DEPDC4: variants seen among roughly 807,000 people sequenced by gnomAD.
The protein encoded by DEPDC4 is DEP domain-containing protein 4.
Under a neutral mutation model 52.0 loss-of-function variants are expected in DEPDC4, and 52 were observed. The ratio of observed to expected loss-of-function variants is 1.00; its 90% CI spans 0.80 to 1.26. The LOEUF is 1.26. DEPDC4 is among the 50% of genes most tolerant of loss of function. The pLI, the probability that DEPDC4 is intolerant of heterozygous loss-of-function variation, is 0.00. For synonymous variants in DEPDC4, 201 were observed against 196.8 expected, an observed-to-expected ratio of 1.02 and a Z score of -0.18; for missense variants, 530 against 546.9, an observed-to-expected ratio of 0.97 and a Z score of 0.31.
the DEPDC4 span, among the ~76,000 whole-genome samples, chr12:100,281,019 G>GTTTTTTTTTTTTTTTT: frequency 1.8e-4 from 9 of 50,492 alleles, no homozygotes; most frequent in African/African-American, 6.2e-4. Context: ...TACCATCAGT[G>GTTTTTTTTTTTTTTTT]TTTTTTTTTT....
In DEPDC4 at chr12:100,240,875, A is replaced by G. The variant is rs1439037374; in HGVS notation, c.*1017T>C. Among the ~76,000 whole-genome samples, 1 of 152,184 alleles carries G rather than the reference A, an allele frequency of 6.6e-6. No homozygotes were observed. Among genetic ancestry groups the G allele is most frequent in the East Asian group, 1.9e-4 (1 of 5,196 alleles). ...CAAGACTAGCCTGGCCAACATGGCG[A>G]AACACTGTCTCTACTAAAACTACAA... On this transcript the variant is annotated 3_prime_UTR_variant, in exon 10 of 10. Transcript: ENST00000550587.
chr12:100,252,153 C>T, intron 7 of DEPDC4, 23 bp downstream of exon 7: 1 of 1,148,474 alleles, frequency 8.7e-7, no homozygotes. Context: ...AATAAATGTG[C>T]CCAGGCAAAA....
Position 100,256,135 on chromosome 12 carries a change from T to A in DEPDC4, c.792A>T (p.Gln264His). The A allele has an allele frequency of 6.2e-7, 1 of 1,613,228 alleles. No homozygotes were observed. The highest frequency in any genetic ancestry group is 8.5e-7 in the Non-Finnish European group (1 of 1,179,384). The change falls in exon 4 of 10, where the codon CAA (glutamine) becomes CAT (histidine). Residue 264 changes from glutamine to histidine, a missense_variant. Gln to His is a conservative substitution (Grantham distance 24). Coordinates refer to ENST00000550587, the MANE Select transcript of DEPDC4 (RefSeq NM_001364818.2). ...DNILEPPVKT[Q>H]NLQLNKEEDL... is the part of the protein sequence containing the mutation. ...CTTCCTCTTTGTTTAGTTGAAGATT[T>A]TGTGTTTTAACTGGAGGCTCCAAAA...
chr12:100,246,656 G>T (rs2096186739), intron 8 of DEPDC4, among the ~76,000 whole-genome samples: 1 of 152,162 alleles, frequency 6.6e-6, no homozygotes, highest in South Asian at 2.1e-4. Flanking sequence ...AAGTAATCAG[G>T]CCAGGCACAG....
At chr12:100,256,258 T>C in intron 3 of DEPDC4, 32 bp from the exon 4 acceptor site, 1 of 1,521,092 alleles carries the variant, frequency 6.6e-7, no homozygotes, top group Non-Finnish European at 9.0e-7. Flanking sequence ...ATGATCAAGA[T>C]TGGTAAATAA....
chr12:100,245,306 C>T (rs1175541425), intron 8 of DEPDC4, among the ~76,000 whole-genome samples: 1 of 151,716 alleles, frequency 6.6e-6, no homozygotes, highest in Non-Finnish European at 1.5e-5. Flanking sequence ...TCGCTCTGTC[C>T]CCCAGGCTGG....
intron 3 of DEPDC4, among the ~76,000 whole-genome samples, chr12:100,261,920 G>C (rs1023942038): frequency 6.6e-6 from 1 of 152,150 alleles, no homozygotes; most frequent in Non-Finnish European, 1.5e-5. Flanking sequence ...GAATTTTTAG[G>C]GCACTGAAAC....
In DEPDC4 at chr12:100,241,852, A is replaced by G. The variant is rs60005098; in HGVS notation, c.*47-7T>C. On this transcript the variant is annotated splice_region_variant and splice_polypyrimidine_tract_variant and intron_variant, in intron 9 of 9. Transcript: ENST00000550587. ...GGTTGGCAAAACGTAAAGCCTGGAA[A>G]AAAAAAAAAAAAACAAAAGAAAAAG... 1,772 of 913,974 alleles carry G rather than the reference A, an allele frequency of 1.9e-3. No homozygotes were observed. The highest frequency in any genetic ancestry group is 5.9e-3 in the Middle Eastern group (21 of 3,570). 56.6% of individuals were successfully genotyped at this position (913,974 alleles called of 1,614,324 possible).
chr12:100,241,826 G>T lies in DEPDC4; in HGVS notation c.*66C>A. On this transcript the variant is annotated 3_prime_UTR_variant, in exon 10 of 10. Coordinates refer to ENST00000550587, the MANE Select transcript of DEPDC4 (RefSeq NM_001364818.2). ...GCTTTTCAAACTCCTTGTATGTCAA[G>T]GGTTGGCAAAACGTAAAGCCTGGAA... 1 of 1,199,374 alleles carries T rather than the reference G, an allele frequency of 8.3e-7. No individual in the cohort carries two copies. The highest frequency in any genetic ancestry group is 1.1e-6 in the Non-Finnish European group (1 of 951,692). 74.3% of individuals were successfully genotyped at this position (1,199,374 alleles called of 1,614,324 possible).
intron 3 of DEPDC4, among the ~76,000 whole-genome samples, chr12:100,261,180 C>CAAA (rs536040088): frequency 1.2e-4 from 8 of 68,464 alleles, no homozygotes; most frequent in Admixed American, 3.4e-4. Flanking sequence ...GACTCCGTCT[C>CAAA]AAAAAAAAAA....
intron 3 of DEPDC4, among the ~76,000 whole-genome samples, chr12:100,257,975 TGATAGATAGATA>T (rs3054280): frequency 0.092 from 13,680 of 149,242 alleles, 1,023 homozygotes; most frequent in African/African-American, 0.2. Flanking sequence ...TAAAATGTAT[TGATAGATAGATA>T]GATAGATAGA....
At chr12:100,281,651 G>A in the DEPDC4 span, among the ~76,000 whole-genome samples, 1 of 152,154 alleles carries the variant, frequency 6.6e-6, no homozygotes, top group South Asian at 2.1e-4. Context: ...GGCTAACACG[G>A]TGAAACCCTG....
In DEPDC4 at chr12:100,241,301, A is replaced by C. The variant is rs143799306; in HGVS notation, c.*591T>G. On this transcript the variant is annotated 3_prime_UTR_variant, in exon 10 of 10. Coordinates refer to ENST00000550587, the MANE Select transcript of DEPDC4 (RefSeq NM_001364818.2). ...ATTAAGTGATTTTAGCAGCATAATT[A>C]AGTGAATCAGCAAACATGAAGGCTA... is the stretch of plus-strand genomic sequence containing the variant. Among the ~76,000 whole-genome samples the C allele has an allele frequency of 7.8e-4, 118 of 152,196 alleles. No individual in the cohort carries two copies. Among genetic ancestry groups the C allele is most frequent in the African/African-American group, 2.8e-3 (116 of 41,434 alleles).
chr12:100,244,086 T>G (rs2096172124), intron 8 of DEPDC4, among the ~76,000 whole-genome samples: 1 of 32,050 alleles, frequency 3.1e-5, no homozygotes, highest in African/African-American at 1.2e-4. Flanking sequence ...TCTCTCTCTC[T>G]CTCTCTGTGT....
the DEPDC4 span, among the ~76,000 whole-genome samples, chr12:100,274,655 G>A: frequency 6.6e-6 from 1 of 152,140 alleles, no homozygotes; most frequent in Non-Finnish European, 1.5e-5. Flanking sequence ...TAGGAAAATG[G>A]CCTACAGTAA....
At position 100,252,411 on chromosome 12, in the gene DEPDC4, A is replaced by AC. The variant is rs765817997; in HGVS notation, c.1230_1231insG (p.Tyr411ValfsTer8). The AC allele has an allele frequency of 1.0e-4, 161 of 1,574,708 alleles. No individual in the cohort carries two copies. The highest frequency in any genetic ancestry group is 1.9e-4 in the Admixed American group (10 of 52,956). The stretch of plus-strand genomic sequence containing the variant: ...TTTTTCACCTGTTTTTGCAACTTGT[A>AC]GGCATTGGGCTCTGATGCCATTGCC... On this transcript the variant is annotated frameshift_variant, in exon 6 of 10. Transcript: ENST00000550587. LOFTEE classifies it high-confidence loss of function.
At chr12:100,238,482 G>A (rs1199857332), downstream of DEPDC4, among the ~76,000 whole-genome samples, 1 of 140,986 alleles carries the variant, frequency 7.1e-6, no homozygotes, top group Non-Finnish European at 1.5e-5. Flanking sequence ...TAAGTAGGAA[G>A]AACTTAAAAG....
At chr12:100,269,863 C>T (rs2096285512), upstream of DEPDC4, among the ~76,000 whole-genome samples, 1 of 152,148 alleles carries the variant, frequency 6.6e-6, no homozygotes, top group African/African-American at 2.4e-5. Flanking sequence ...ACTACCTAGG[C>T]ATCTATGTGG....
Position 100,263,655 on chromosome 12 carries a change from T to C in DEPDC4, c.396A>G (p.Val132=), listed in dbSNP as rs2096261832. Residue 132 remains valine, a synonymous_variant, in exon 2 of 10, where the codon GTA becomes GTG. Transcript: ENST00000550587. ...HLCQVLMNHK[V]FEPVGMKKLF... The stretch of plus-strand genomic sequence containing the variant: ...GCTTCTTCATTCCTACTGGTTCAAA[T>C]ACTTTGTGATTCATTAGAACTTGGC... 3 of 1,614,110 alleles carry C rather than the reference T, an allele frequency of 1.9e-6. No individual in the cohort carries two copies. Among genetic ancestry groups the C allele is most frequent in the South Asian group, 1.1e-5 (1 of 91,056 alleles).
Sources: allele counts gnomAD v4.1 joint callset (sites outside exome capture counted in the v4.1 genomes callset), GRCh38; gene constraint gnomAD v4.1.1; transcripts MANE v1.5; gene names NCBI Gene and HGNC (gene_info 2026-07-23, HGNC 2026-07-21).